The following CAMTA1 variants were observed in gnomAD, a reference collection of about 807,000 sequenced individuals.
The protein encoded by CAMTA1 is calmodulin-binding transcription activator 1.
Under a neutral mutation model 170.9 loss-of-function variants are expected in CAMTA1, and 27 were observed. The observed-to-expected ratio is 0.16, with a 90% confidence interval of 0.12 to 0.22. CAMTA1 has a LOEUF of 0.22. Among genes scored for constraint, CAMTA1 ranks in the 10% least tolerant of loss-of-function variants. The pLI is 1.00. For synonymous variants in CAMTA1, 833 were observed against 891.5 expected (o/e 0.93, Z 1.17); for missense variants, 1,619 against 2,217.2 (o/e 0.73, Z 5.42).
rs1031807739 is a variant in CAMTA1 at position 7,113,273 on chromosome 1, C to T, written c.302+21902C>T. Among the ~76,000 whole-genome samples, 1 of 152,222 alleles carries T rather than the reference C, an allele frequency of 6.6e-6. No homozygotes were observed. The highest frequency in any genetic ancestry group is 1.5e-5 in the Non-Finnish European group (1 of 68,034). On this transcript the variant is annotated intron_variant, in intron 4 of 22. Transcript: ENST00000303635. This position sits in a 1 kb window ranked among gnomAD's most constrained non-coding sequence, Gnocchi z 4.5. ...CTGGGGCCAGAGGATCGTGGTTGGC[C>T]GTGGGCTGGTCACTGCCATGTGGGC... is the stretch of plus-strand genomic sequence containing the variant.
At chr1:7,337,946 C>T in intron 5 of CAMTA1, among the ~76,000 whole-genome samples, 1 of 149,340 alleles carries the variant, frequency 6.7e-6, no homozygotes, top group East Asian at 1.9e-4. Context: ...TGAGCCAATT[C>T]CTTAGAAATA....
At chr1:6,852,583 T>G (rs1660808542) in intron 3 of CAMTA1, among the ~76,000 whole-genome samples, 1 of 152,156 alleles carries the variant, frequency 6.6e-6, no homozygotes, top group South Asian at 2.1e-4. Flanking sequence ...GGTTTACCTG[T>G]TGATTATACA....
chr1:7,032,508 C>G (rs951452987), intron 3 of CAMTA1, among the ~76,000 whole-genome samples: 1 of 151,790 alleles, frequency 6.6e-6, no homozygotes, highest in Non-Finnish European at 1.5e-5. Context: ...TTTTTAAATT[C>G]TTCTCATACC....
chr1:7,372,539 G>A lies in CAMTA1; in HGVS notation c.439-95291G>A, dbSNP rs150458205. ...GAGCAGCTGCGGACGTAGTGGGCCCGTGATTGGGCATCTCGCGTTATTACG... is the reference window on the plus strand; with the variant it reads ...GAGCAGCTGCGGACGTAGTGGGCCCATGATTGGGCATCTCGCGTTATTACG... On this transcript the variant is annotated intron_variant, in intron 5 of 22. Coordinates refer to ENST00000303635, the MANE Select transcript of CAMTA1 (RefSeq NM_015215.4). Among the ~76,000 whole-genome samples, 30 of 152,314 alleles carry A rather than the reference G, an allele frequency of 2.0e-4. 1 individual carries two copies. In the East Asian group the frequency reaches 5.4e-3, roughly 27 times the overall value.
chr1:7,131,525 T>G (rs1645254110), intron 4 of CAMTA1, among the ~76,000 whole-genome samples: 1 of 149,612 alleles, frequency 6.7e-6, no homozygotes, highest in Admixed American at 6.6e-5. Flanking sequence ...GTCTTTTCTT[T>G]TTTTTTTTTT....
chr1:7,136,151 T>C (rs908890315), intron 4 of CAMTA1, among the ~76,000 whole-genome samples: 6 of 152,208 alleles, frequency 3.9e-5, no homozygotes, highest in Admixed American at 2.6e-4. Context: ...AACAATATCA[T>C]GTGGTCTCCT....
chr1:7,321,829 G>A (rs1678464453), intron 5 of CAMTA1, among the ~76,000 whole-genome samples: 1 of 152,066 alleles, frequency 6.6e-6, no homozygotes, highest in African/African-American at 2.4e-5. Context: ...GCACATGTTG[G>A]CTAGAACTTG....
intron 6 of CAMTA1, among the ~76,000 whole-genome samples, chr1:7,628,953 G>T (rs904981811): frequency 2.4e-4 from 37 of 152,234 alleles, no homozygotes; most frequent in Non-Finnish European, 5.3e-4. Flanking sequence ...CATCTGTGCT[G>T]TTCCACCCTC....
intron 9 of CAMTA1, 91 bp from the exon 10 acceptor site, chr1:7,670,820 A>C (rs2096054422): frequency 6.8e-7 from 1 of 1,460,472 alleles, no homozygotes; most frequent in Admixed American, 1.8e-5. Context: ...ACAGACCCCC[A>C]TCTGAGCAGT....
chr1:7,365,505 C>G (rs2085896844), intron 5 of CAMTA1, among the ~76,000 whole-genome samples: 1 of 152,114 alleles, frequency 6.6e-6, no homozygotes, highest in African/African-American at 2.4e-5. Flanking sequence ...AAACGTGCAG[C>G]CAAGCGTCTT....
rs1386180084 is a variant in CAMTA1, at chr1:7,748,199, G to A, written c.4689+418G>A. On this transcript the variant is annotated intron_variant, in intron 19 of 22. Transcript: ENST00000303635. This position sits in a 1 kb window ranked among gnomAD's most constrained non-coding sequence, Gnocchi z 4.7. ...AGTGCTGGGATTACAAGCATGAGCCGCAGCGCCCGGCCAGAGACTTAATTT... is the reference window on the plus strand; with the variant it reads ...AGTGCTGGGATTACAAGCATGAGCCACAGCGCCCGGCCAGAGACTTAATTT... Among the ~76,000 whole-genome samples the A allele has an allele frequency of 1.3e-5, 2 of 151,876 alleles. No homozygotes were observed. Among genetic ancestry groups the A allele is most frequent in the East Asian group, 1.9e-4 (1 of 5,166 alleles).
At chr1:6,815,750 T>G (rs1219424162) in intron 1 of CAMTA1, among the ~76,000 whole-genome samples, 1 of 152,258 alleles carries the variant, frequency 6.6e-6, no homozygotes, top group Non-Finnish European at 1.5e-5. Flanking sequence ...TTTCTGATAC[T>G]CAAGGTGTGG....
chr1:6,833,759 C>T (rs1651569326), intron 3 of CAMTA1, among the ~76,000 whole-genome samples: 1 of 152,208 alleles, frequency 6.6e-6, no homozygotes, highest in Non-Finnish European at 1.5e-5. Flanking sequence ...CCACAAATCA[C>T]AAACTTGAGC....
intron 3 of CAMTA1, among the ~76,000 whole-genome samples, chr1:6,921,065 T>C (rs1430563845): frequency 6.6e-6 from 1 of 152,254 alleles, no homozygotes; most frequent in Non-Finnish European, 1.5e-5. Flanking sequence ...GGATTTTCTT[T>C]TCAATTGCAT....
intron 5 of CAMTA1, among the ~76,000 whole-genome samples, chr1:7,270,310 G>A (rs1388580980): frequency 1.0e-5 from 1 of 97,016 alleles, no homozygotes; most frequent in African/African-American, 5.2e-5. Flanking sequence ...TTTTTTTCTT[G>A]TGAGATGGAG....
chr1:7,499,139 C>T (rs1472301030), intron 6 of CAMTA1, among the ~76,000 whole-genome samples: 6 of 117,184 alleles, frequency 5.1e-5, no homozygotes, highest in South Asian at 3.3e-4. Context: ...TCCTGGTGTG[C>T]GTGTGTACGT....
Position 7,732,634 on chromosome 1 carries a change from G to A in CAMTA1, c.3066+35G>A, listed in dbSNP as rs758836539. 30 of 1,537,558 alleles carry A rather than the reference G, an allele frequency of 2.0e-5. No homozygotes were observed. The highest frequency in any genetic ancestry group is 2.4e-5 in the Non-Finnish European group (27 of 1,140,718). On this transcript the variant is annotated intron_variant, in intron 12 of 22. Transcript: ENST00000303635. The surrounding 1 kb of genome is among the most constrained non-coding windows in gnomAD (Gnocchi z 4.1). ...GGTGCTGATGCTCAGCTCCCATTTC[G>A]CTTCATGTTTATGGATTGGCGAGGC...
intron 3 of CAMTA1, among the ~76,000 whole-genome samples, chr1:7,087,281 T>C (rs1640878191): frequency 1.3e-5 from 2 of 152,154 alleles, no homozygotes; most frequent in Admixed American, 1.3e-4. Context: ...CTGCTTCCTA[T>C]GATGTTTTAA....
In CAMTA1 at chr1:7,463,405, G is replaced by A. The variant is rs554505630; in HGVS notation, c.439-4425G>A. On this transcript the variant is annotated intron_variant, in intron 5 of 22. Transcript: ENST00000303635. The surrounding 1 kb of genome is among the most constrained non-coding windows in gnomAD (Gnocchi z 4.7). ...GAGAGACAGAGACAGATACAGAAAC[G>A]GAGAGAGAAATAAAGACAGACGGGG... Among the ~76,000 whole-genome samples the A allele has an allele frequency of 6.6e-5, 10 of 151,538 alleles. No individual in the cohort carries two copies. Among genetic ancestry groups the A allele is most frequent in the South Asian group, 2.1e-4 (1 of 4,750 alleles).
Sources: allele counts gnomAD v4.1 joint callset (sites outside exome capture counted in the v4.1 genomes callset), GRCh38; gene constraint gnomAD v4.1.1; non-coding constraint Gnocchi (gnomAD v3.1); transcripts MANE v1.5; gene names NCBI Gene and HGNC (gene_info 2026-07-23, HGNC 2026-07-21).